The following INPP1 variants were observed in gnomAD, a reference collection of about 807,000 sequenced individuals.
INPP1 encodes inositol polyphosphate 1-phosphatase.
INPP1 carries 18 observed loss-of-function variants against 23.0 expected under a neutral mutation model. The observed-to-expected ratio is 0.78, with a 90% confidence interval of 0.54 to 1.16. The LOEUF is 1.16. Ranked by LOEUF, INPP1 falls within the 50% of genes most tolerant of loss-of-function variation. INPP1 has a pLI of 0.00. For synonymous variants in INPP1, 164 were observed against 176.3 expected (o/e 0.93, Z 0.55); for missense variants, 448 against 482.1 (o/e 0.93, Z 0.66).
chr2:190,370,532 A>C (rs1689779414), intron 6 of INPP1, among the ~76,000 whole-genome samples: 1 of 152,244 alleles, frequency 6.6e-6, no homozygotes, highest in African/African-American at 2.4e-5. Flanking sequence ...AAATACTAAA[A>C]GTTGTAATGA....
chr2:190,370,482 G>C (rs1689778498), intron 6 of INPP1, among the ~76,000 whole-genome samples: 1 of 152,156 alleles, frequency 6.6e-6, no homozygotes, highest in Admixed American at 6.6e-5. Context: ...AGATCAAAAA[G>C]AGATATCACT....
intron 1 of INPP1, among the ~76,000 whole-genome samples, chr2:190,347,765 A>ATT (rs1689247723): frequency 6.6e-6 from 1 of 152,242 alleles, no homozygotes; most frequent in East Asian, 1.9e-4. Context: ...GTGACCAAAG[A>ATT]AAATTGTTCT....
At chr2:190,365,407 G>A (rs1011528914) in intron 4 of INPP1, among the ~76,000 whole-genome samples, 5 of 152,100 alleles carry the variant, frequency 3.3e-5, no homozygotes, top group Non-Finnish European at 5.9e-5. Flanking sequence ...GAAGCACTTC[G>A]GTGTGTTGAA....
chr2:190,359,674 C>T (rs1042877347), intron 2 of INPP1: 1 of 130,732 alleles, frequency 7.6e-6, no homozygotes, highest in Non-Finnish European at 1.5e-5. Flanking sequence ...TTCAATATTG[C>T]TGCTAAGCAT....
At chr2:190,362,017 G>C (rs1377071183) in intron 3 of INPP1, among the ~76,000 whole-genome samples, 1 of 152,174 alleles carries the variant, frequency 6.6e-6, no homozygotes, top group Admixed American at 6.5e-5. Flanking sequence ...AGAGATGACA[G>C]AAGATTCTTA....
At position 190,352,202 on chromosome 2, in the gene INPP1, G is replaced by A. The variant is rs984274432; in HGVS notation, c.-65+3171G>A. Among the ~76,000 whole-genome samples the A allele has an allele frequency of 6.6e-6, 1 of 152,184 alleles. No individual in the cohort carries two copies. The highest frequency in any genetic ancestry group is 1.5e-5 in the Non-Finnish European group (1 of 68,034). On this transcript the variant is annotated intron_variant, in intron 2 of 6. Coordinates refer to ENST00000392329, the MANE Select transcript of INPP1 (RefSeq NM_001128928.2). This position sits in a 1 kb window ranked among gnomAD's most constrained non-coding sequence, Gnocchi z 4.7. ...CAGGAAGAAGGGCGTGTCAACCAGA[G>A]GGAGCAGCATGTGCAAATTTACAAT...
Position 190,346,383 on chromosome 2 carries a change from A to G in INPP1, c.-209+2422A>G, listed in dbSNP as rs773220618. Among the ~76,000 whole-genome samples, 2 of 152,220 alleles carry G rather than the reference A, an allele frequency of 1.3e-5. No homozygotes were observed. The highest frequency in any genetic ancestry group is 2.9e-5 in the Non-Finnish European group (2 of 68,036). On this transcript the variant is annotated intron_variant, in intron 1 of 6. Transcript: ENST00000392329. The surrounding 1 kb of genome is among the most constrained non-coding windows in gnomAD (Gnocchi z 5.1). ...GGAAACTGATTTTATTAATATGATG[A>G]GGCCACTCATTTAGGAAATCTGAAA...
rs1689342954 is a variant in INPP1 at position 190,352,535 on chromosome 2, CAG to C, written c.-65+3505_-65+3506del. Among the ~76,000 whole-genome samples, 1 of 152,196 alleles carries C rather than the reference CAG, an allele frequency of 6.6e-6. No individual in the cohort carries two copies. The highest frequency in any genetic ancestry group is 1.5e-5 in the Non-Finnish European group (1 of 68,040). ...TTTCCCTCTGGCCTCACAGGAATCTCAGGGGAGGCTACCATTAGCAAGTGACA... is the reference window on the plus strand; with the variant it reads ...TTTCCCTCTGGCCTCACAGGAATCTCGGGAGGCTACCATTAGCAAGTGACA... On this transcript the variant is annotated intron_variant, in intron 2 of 6. Transcript: ENST00000392329. This position sits in a 1 kb window ranked among gnomAD's most constrained non-coding sequence, Gnocchi z 4.7.
intron 4 of INPP1, among the ~76,000 whole-genome samples, chr2:190,365,983 G>GTCTCGCTCTC (rs1424750936): frequency 4.9e-5 from 1 of 20,390 alleles, no homozygotes; most frequent in Non-Finnish European, 8.1e-5. Flanking sequence ...CTCTCGCTCT[G>GTCTCGCTCTC]TCTCGCTCTC....
At chr2:190,364,848 C>A (rs887430005) in intron 4 of INPP1, among the ~76,000 whole-genome samples, 2 of 151,888 alleles carry the variant, frequency 1.3e-5, no homozygotes, top group Admixed American at 6.6e-5. Flanking sequence ...AAGTGATCTG[C>A]TTACCTCAGC....
intron 3 of INPP1, among the ~76,000 whole-genome samples, chr2:190,360,956 G>A (rs894391575): frequency 3.9e-5 from 6 of 152,164 alleles, no homozygotes; most frequent in African/African-American, 1.4e-4. Context: ...ATATAACAAT[G>A]ATTACGACTC....
intron 3 of INPP1, among the ~76,000 whole-genome samples, chr2:190,360,663 CT>C (rs908222967): frequency 1.3e-5 from 2 of 152,216 alleles, no homozygotes; most frequent in African/African-American, 4.8e-5. Flanking sequence ...AGTCCCACCA[CT>C]GGAGAAAACC....
chr2:190,365,936 G>A (rs28593541), intron 4 of INPP1, among the ~76,000 whole-genome samples: 1 of 87,628 alleles, frequency 1.1e-5, no homozygotes, highest in Admixed American at 1.3e-4. Flanking sequence ...ACTGTCTCTC[G>A]CTCACTGTCT....
intron 3 of INPP1, 22 bp from the exon 4 acceptor site, chr2:190,362,605 C>T (rs762309492): frequency 2.0e-5 from 31 of 1,548,406 alleles, no homozygotes; most frequent in Non-Finnish European, 2.5e-5. Flanking sequence ...TTTTGTTTTT[C>T]GTCATACTCT....
intron 1 of INPP1, among the ~76,000 whole-genome samples, chr2:190,347,299 C>G (rs1468894648): frequency 6.6e-6 from 1 of 151,982 alleles, no homozygotes; most frequent in Non-Finnish European, 1.5e-5. Context: ...GCGTGAGCCA[C>G]CACACCTGGC....
chr2:190,353,359 C>T (rs1189102984), intron 2 of INPP1, among the ~76,000 whole-genome samples: 2 of 152,052 alleles, frequency 1.3e-5, no homozygotes, highest in African/African-American at 4.8e-5. Context: ...TCAGATCTGG[C>T]CGACAAAAAG....
At position 190,348,515 on chromosome 2, in the gene INPP1, C is replaced by A. The variant is rs891732691; in HGVS notation, c.-208-373C>A. 9.2e-5 allele frequency among the ~76,000 whole-genome samples: 14 copies of A among 152,290 alleles called. 1 individual carries two copies. Among genetic ancestry groups the A allele is most frequent in the Admixed American group, 5.9e-4 (9 of 15,298 alleles). ...TGTCCAGAATTTTTTCATCATCCCA[C>A]ACAAAAACTATACCCATTAAACAAT... is the stretch of plus-strand genomic sequence containing the variant. On this transcript the variant is annotated intron_variant, in intron 1 of 6. Coordinates refer to ENST00000392329, the MANE Select transcript of INPP1 (RefSeq NM_001128928.2).
At chr2:190,358,598 G>A (rs1323310658) in intron 2 of INPP1, among the ~76,000 whole-genome samples, 1 of 152,208 alleles carries the variant, frequency 6.6e-6, no homozygotes, top group Non-Finnish European at 1.5e-5. Context: ...GCAATGCCAA[G>A]CCTTGCAGTT....
intron 4 of INPP1, among the ~76,000 whole-genome samples, chr2:190,365,483 A>C (rs1207393540): frequency 6.6e-6 from 1 of 152,254 alleles, no homozygotes; most frequent in African/African-American, 2.4e-5. Context: ...ATAAAAAGTC[A>C]AAAGACAAAT....
Sources: gnomAD v4.1 joint callset for allele counts (sites outside exome capture counted in the v4.1 genomes callset) on GRCh38, gnomAD v4.1.1 for gene constraint, Gnocchi (gnomAD v3.1) non-coding constraint, MANE v1.5 for transcripts, NCBI Gene and HGNC (gene_info 2026-07-23, HGNC 2026-07-21) for gene names.